Variants in CASP5 observed in about 807,000 individuals in gnomAD.
CASP5 encodes caspase 5.
Under a neutral mutation model 45.2 loss-of-function variants are expected in CASP5, and 42 were observed. The ratio of observed to expected loss-of-function variants is 0.93; its 90% confidence interval spans 0.73 to 1.20. CASP5 has a LOEUF of 1.20. Among genes scored for constraint, CASP5 ranks in the 50% most tolerant of loss-of-function variants. The probability of loss-of-function intolerance (pLI) is 0.00; values close to 1 mark genes in which losing one functional copy is unlikely to be tolerated. For missense variants in CASP5, 512 were observed against 532.2 expected, an observed-to-expected ratio of 0.96 and a Z score of 0.37; for synonymous variants, 209 against 186.2, an observed-to-expected ratio of 1.12 and a Z score of -1.00.
At chr11:105,004,374 A>G (rs1425643817) in intron 3 of CASP5, among the ~76,000 whole-genome samples, 1 of 152,182 alleles carries the variant, frequency 6.6e-6, no homozygotes, top group Admixed American at 6.5e-5. Flanking sequence ...TCCCCTTGTG[A>G]AATGTAATAT....
Position 105,017,369 on chromosome 11 carries a change from A to T in CASP5, c.7+5761T>A, listed in dbSNP as rs144017700. Among the ~76,000 whole-genome samples, 1,269 of 152,306 alleles carry T rather than the reference A, an allele frequency of 8.3e-3. 9 individuals are homozygous for T. Among genetic ancestry groups the T allele is most frequent in the African/African-American group, 0.029 (1,219 of 41,554 alleles). The stretch of plus-strand genomic sequence containing the variant: ...TGATCAAATTACTCCGAGCTACGGG[A>T]GGACATTCAACCAAAGGCAAAGAAG... On this transcript the variant is annotated intron_variant, in intron 1 of 9. Coordinates refer to ENST00000260315, the MANE Select transcript of CASP5 (RefSeq NM_004347.5).
At chr11:105,017,599 T>C (rs202051977) in intron 1 of CASP5, among the ~76,000 whole-genome samples, 2 of 150,766 alleles carry the variant, frequency 1.3e-5, no homozygotes. Flanking sequence ...GAAGGGAAGT[T>C]TAGAGAAAAA....
At chr11:105,017,458 T>C (rs1393457908) in intron 1 of CASP5, among the ~76,000 whole-genome samples, 1 of 151,748 alleles carries the variant, frequency 6.6e-6, no homozygotes, top group Non-Finnish European at 1.5e-5. Context: ...GAGAAGTGCT[T>C]AAAGGAGCTG....
intron 5 of CASP5, among the ~76,000 whole-genome samples, chr11:105,000,984 T>C (rs1485044035): frequency 6.6e-6 from 1 of 152,180 alleles, no homozygotes; most frequent in Non-Finnish European, 1.5e-5. Flanking sequence ...CATTTTCAGC[T>C]CAGCTCTTTC....
intron 1 of CASP5, 107 bp downstream of exon 1, chr11:105,023,023 A>G (rs1184973302): frequency 5.0e-6 from 5 of 1,007,568 alleles, no homozygotes; most frequent in South Asian, 1.4e-5. Flanking sequence ...CATGCACACT[A>G]TTGGTTGATT....
chr11:104,998,451 T>C (rs969381914), intron 7 of CASP5, among the ~76,000 whole-genome samples: 1 of 152,196 alleles, frequency 6.6e-6, no homozygotes, highest in African/African-American at 2.4e-5. Flanking sequence ...TTAATAACAT[T>C]GCTCTTTGTA....
Position 104,994,442 on chromosome 11 carries a change from A to G in CASP5, c.*5-95T>C, listed in dbSNP as rs45527533. 658 of 152,314 alleles carry G rather than the reference A, an allele frequency of 4.3e-3. 2 individuals carry two copies. Among genetic ancestry groups the G allele is most frequent in the Non-Finnish European group, 7.9e-3 (540 of 68,046 alleles). 9.4% of individuals were successfully genotyped at this position (152,314 alleles called of 1,614,324 possible). On this transcript the variant is annotated intron_variant, in intron 9 of 9. Coordinates refer to ENST00000260315, the MANE Select transcript of CASP5 (RefSeq NM_004347.5). ...TGATTCTTCTTCCATCTTCTGCCAT[A>G]TGCTTTTGCCATTTCCCTCGACTTC... is the stretch of plus-strand genomic sequence containing the variant.
Position 105,015,356 on chromosome 11 carries a change from A to G in CASP5, c.8-6376T>C, listed in dbSNP as rs1026449067. On this transcript the variant is annotated intron_variant, in intron 1 of 9. Coordinates refer to ENST00000260315, the MANE Select transcript of CASP5 (RefSeq NM_004347.5). ...GATCACACAGTATTATTTTTAAAAA[A>G]CAGTTTTTATTGATTACTTTTTGTT... Among the ~76,000 whole-genome samples, 9 of 152,298 alleles carry G rather than the reference A, an allele frequency of 5.9e-5. No individual in the cohort carries two copies. In the East Asian group the frequency reaches 1.7e-3, roughly 29 times the overall value.
At chr11:105,018,079 T>A (rs1378436396) in intron 1 of CASP5, among the ~76,000 whole-genome samples, 20 of 150,816 alleles carry the variant, frequency 1.3e-4, no homozygotes, top group African/African-American at 4.9e-4. Context: ...GAAGGAGAAA[T>A]AAAATACTTT....
At chr11:105,002,500 A>G (rs1861788990) in intron 4 of CASP5, among the ~76,000 whole-genome samples, 1 of 152,360 alleles carries the variant, frequency 6.6e-6, no homozygotes, top group African/African-American at 2.4e-5. Flanking sequence ...ATATAAACCA[A>G]GAGGTGTTGT....
At chr11:105,010,400 A>C (rs990759898) in intron 1 of CASP5, among the ~76,000 whole-genome samples, 9 of 122,882 alleles carry the variant, frequency 7.3e-5, no homozygotes, top group Non-Finnish European at 1.6e-4. Context: ...TGATTTAATC[A>C]GTAATTATCA....
intron 1 of CASP5, among the ~76,000 whole-genome samples, chr11:105,021,351 C>G (rs973583500): frequency 4.8e-5 from 7 of 145,402 alleles, no homozygotes; most frequent in Admixed American, 2.2e-4. Context: ...GCAAAAGAAA[C>G]TACCGTCAGA....
intron 7 of CASP5, among the ~76,000 whole-genome samples, chr11:104,997,988 A>T (rs192874804): frequency 2.8e-4 from 42 of 152,228 alleles, no homozygotes; most frequent in African/African-American, 9.9e-4. Context: ...AGATTAAAAT[A>T]TAGAAAAATA....
rs748549575 is a variant in CASP5, at chr11:105,007,345, TAGAA to T, written c.182-15_182-12del. On this transcript the variant is annotated splice_polypyrimidine_tract_variant and intron_variant, in intron 2 of 9. Coordinates refer to ENST00000260315, the MANE Select transcript of CASP5 (RefSeq NM_004347.5). ...TTTTGTGGTTGTCTTCTGTCAGAAA[TAGAA>T]AGACTCCTTTAACTATGGGCACAGC... is the stretch of plus-strand genomic sequence containing the variant. 5.7e-6 allele frequency: 9 copies of T among 1,590,366 alleles called. No individual in the cohort carries two copies. Among genetic ancestry groups the T allele is most frequent in the Admixed American group, 1.7e-5 (1 of 57,384 alleles).
chr11:105,000,572 A>G (rs1273698684), intron 5 of CASP5, 77 bp from the exon 6 acceptor site: 5 of 1,304,716 alleles, frequency 3.8e-6, no homozygotes, highest in Non-Finnish European at 5.5e-6. Context: ...CCATGAGCGA[A>G]ACAAGAAACA....
Position 104,997,465 on chromosome 11 carries a change from C to A in CASP5, c.1124G>T (p.Arg375Met). The change falls in exon 8 of 10, where the codon AGG becomes ATG. Residue 375 changes from arginine to methionine, a missense_variant. By Grantham distance (91) the Arg-to-Met change is moderately conservative (BLOSUM62 -1). Transcript: ENST00000260315. Reference sequence around the variant, plus strand: ...GAGTTCCGTAATGAAGATGGAGCCCCTTGTGCGGTCTCTCCAGGACACGTT... The same window carrying A: ...GAGTTCCGTAATGAAGATGGAGCCCATTGTGCGGTCTCTCCAGGACACGTT... ...PHNVSWRDRT[R>M]GSIFITELIT... 6.2e-7 allele frequency: 1 copy of A among 1,612,640 alleles called. No homozygotes were observed. The highest frequency in any genetic ancestry group is 8.5e-7 in the Non-Finnish European group (1 of 1,178,792).
At chr11:105,017,699 C>T (rs372863081) in intron 1 of CASP5, among the ~76,000 whole-genome samples, 25 of 150,956 alleles carry the variant, frequency 1.7e-4, no homozygotes, top group African/African-American at 5.1e-4. Context: ...CTGAAAGTGA[C>T]GGGGAGAATG....
chr11:105,007,043 G>A (rs748822599), intron 3 of CASP5, 40 bp downstream of exon 3: 1 of 1,557,718 alleles, frequency 6.4e-7, no homozygotes, highest in Admixed American at 1.8e-5. Flanking sequence ...AATATATTCT[G>A]GAAAATTTAA....
chr11:104,998,300 G>C (rs1404345792), intron 7 of CASP5, among the ~76,000 whole-genome samples: 1 of 151,708 alleles, frequency 6.6e-6, no homozygotes, highest in Non-Finnish European at 1.5e-5. Context: ...TTACAACTTG[G>C]AAAGAGTAAA....
Sources: allele counts gnomAD v4.1 joint callset (sites outside exome capture counted in the v4.1 genomes callset), GRCh38; gene constraint gnomAD v4.1.1; transcripts MANE v1.5; gene names NCBI Gene and HGNC (gene_info 2026-07-23, HGNC 2026-07-21).